Variants in KCNH1 observed in about 807,000 individuals in gnomAD.
KCNH1 encodes voltage-gated delayed rectifier potassium channel KCNH1.
A neutral mutation model predicts 69.2 loss-of-function variants in KCNH1; 27 were observed. The observed-to-expected ratio is 0.39, with a 90% CI of 0.29 to 0.54. KCNH1 has a LOEUF of 0.54. Among genes scored for constraint, KCNH1 ranks in the 20% least tolerant of loss-of-function variants. The pLI, the probability that KCNH1 is intolerant of heterozygous loss-of-function variation, is 0.68. For missense variants in KCNH1, 798 were observed against 1,261.6 expected (o/e 0.63, Z 5.57); for synonymous variants, 456 against 487.7 (o/e 0.93, Z 0.86).
intron 7 of KCNH1, among the ~76,000 whole-genome samples, chr1:210,855,499 T>C (rs1274782399): frequency 6.6e-6 from 1 of 152,204 alleles, no homozygotes; most frequent in Non-Finnish European, 1.5e-5. Flanking sequence ...TGCAGATGTC[T>C]GTTGATTTTT....
At chr1:211,121,164 A>T (rs1691675897) in intron 1 of KCNH1, among the ~76,000 whole-genome samples, 1 of 152,234 alleles carries the variant, frequency 6.6e-6, no homozygotes, top group South Asian at 2.1e-4. Context: ...TTATTCACAG[A>T]ATTAGAAAAC....
intron 7 of KCNH1, among the ~76,000 whole-genome samples, chr1:210,812,862 A>G (rs1009539785): frequency 3.3e-5 from 5 of 152,182 alleles, no homozygotes; most frequent in Non-Finnish European, 7.3e-5. Context: ...TGCACTCACA[A>G]CATTTCTCTT....
chr1:210,844,308 G>A (rs1209896251), intron 7 of KCNH1, among the ~76,000 whole-genome samples: 4 of 152,130 alleles, frequency 2.6e-5, no homozygotes, highest in African/African-American at 9.7e-5. Context: ...GGGTCACGAG[G>A]TCAAGAGATC....
chr1:210,701,807 A>C (rs1482174388), intron 10 of KCNH1, among the ~76,000 whole-genome samples: 1 of 151,852 alleles, frequency 6.6e-6, no homozygotes, highest in Non-Finnish European at 1.5e-5. Flanking sequence ...CCTTGCCCAA[A>C]TATCATCTGG....
intron 10 of KCNH1, among the ~76,000 whole-genome samples, chr1:210,751,112 A>G (rs1683274345): frequency 6.6e-6 from 1 of 152,154 alleles, no homozygotes; most frequent in Non-Finnish European, 1.5e-5. Flanking sequence ...GGTTCTATAG[A>G]GAGGAGAGTT....
chr1:211,097,518 C>T (rs1051718714), intron 3 of KCNH1, among the ~76,000 whole-genome samples: 2 of 152,144 alleles, frequency 1.3e-5, no homozygotes, highest in African/African-American at 4.8e-5. Flanking sequence ...GATTTACAAT[C>T]AATATTCATT....
At chr1:210,740,393 C>T (rs1163756730) in intron 10 of KCNH1, among the ~76,000 whole-genome samples, 1 of 152,158 alleles carries the variant, frequency 6.6e-6, no homozygotes, top group African/African-American at 2.4e-5. Flanking sequence ...TATATTTAGA[C>T]CCAAAGAAAA....
At position 210,907,057 on chromosome 1, in the gene KCNH1, T is replaced by C. The variant is rs1171266500; in HGVS notation, c.1462+12583A>G. 1.3e-5 allele frequency among the ~76,000 whole-genome samples: 2 copies of C among 152,382 alleles called. 1 individual carries two copies. The highest frequency in any genetic ancestry group is 3.9e-4 in the East Asian group (2 of 5,194). Reference sequence around the variant, plus strand: ...CAAGAAAGTGAAAAGGCACTTTCACTTTCTTGCAAATTATGTATCTGACAG... The same window carrying C: ...CAAGAAAGTGAAAAGGCACTTTCACCTTCTTGCAAATTATGTATCTGACAG... On this transcript the variant is annotated intron_variant, in intron 7 of 10. Transcript: ENST00000271751.
At chr1:210,687,994 C>T (rs1234523745) in intron 10 of KCNH1, among the ~76,000 whole-genome samples, 1 of 152,118 alleles carries the variant, frequency 6.6e-6, no homozygotes, top group Non-Finnish European at 1.5e-5. Context: ...CAAAGTATTC[C>T]ATGATGCTCT....
chr1:210,949,869 T>G (rs1688030511), intron 6 of KCNH1, among the ~76,000 whole-genome samples: 1 of 152,216 alleles, frequency 6.6e-6, no homozygotes, highest in Non-Finnish European at 1.5e-5. Flanking sequence ...TGAGATAACA[T>G]TATACGAAGA....
chr1:211,063,079 T>C (rs1052835639), intron 5 of KCNH1, among the ~76,000 whole-genome samples: 2 of 152,232 alleles, frequency 1.3e-5, no homozygotes, highest in Non-Finnish European at 2.9e-5. Context: ...GATGGATGAA[T>C]GGGTAAACAA....
At chr1:210,924,997 A>G (rs1687538754) in intron 6 of KCNH1, among the ~76,000 whole-genome samples, 2 of 152,212 alleles carry the variant, frequency 1.3e-5, no homozygotes, top group South Asian at 4.1e-4. Context: ...ACATACTTAC[A>G]GAAAAGAGTC....
chr1:210,935,897 A>G (rs994936970), intron 6 of KCNH1, among the ~76,000 whole-genome samples: 8 of 152,226 alleles, frequency 5.3e-5, no homozygotes, highest in Non-Finnish European at 7.3e-5. Context: ...AGCAATTAAT[A>G]GATTCATCTG....
chr1:210,839,972 A>G (rs1016024177), intron 7 of KCNH1, among the ~76,000 whole-genome samples: 2 of 152,214 alleles, frequency 1.3e-5, no homozygotes, highest in African/African-American at 4.8e-5. Context: ...AAGTTACCCA[A>G]TGCTGAGTGA....
chr1:211,057,209 G>A (rs1690327363), intron 5 of KCNH1, among the ~76,000 whole-genome samples: 1 of 152,176 alleles, frequency 6.6e-6, no homozygotes, highest in African/African-American at 2.4e-5. Flanking sequence ...TAGAATTTCT[G>A]GAGCTGAAAA....
intron 9 of KCNH1, among the ~76,000 whole-genome samples, chr1:210,791,238 G>A (rs1016112747): frequency 1.3e-5 from 2 of 152,072 alleles, no homozygotes; most frequent in African/African-American, 2.4e-5. Context: ...GCTTCCTCAC[G>A]TTCATCATCT....
At chr1:211,026,748 G>C (rs1364065339) in intron 5 of KCNH1, among the ~76,000 whole-genome samples, 1 of 152,154 alleles carries the variant, frequency 6.6e-6, no homozygotes, top group Non-Finnish European at 1.5e-5. Flanking sequence ...AAGCCTAGTG[G>C]AGAGTTGGGA....
intron 7 of KCNH1, among the ~76,000 whole-genome samples, chr1:210,908,483 A>G (rs1687160461): frequency 6.6e-6 from 1 of 152,150 alleles, no homozygotes; most frequent in African/African-American, 2.4e-5. Context: ...GAGAACCTGT[A>G]GCTTCTGCCT....
At chr1:210,882,140 A>G (rs1269237026) in intron 7 of KCNH1, among the ~76,000 whole-genome samples, 1 of 152,210 alleles carries the variant, frequency 6.6e-6, no homozygotes, top group Non-Finnish European at 1.5e-5. Flanking sequence ...TAAGAGATAC[A>G]TGAGAAATCT....
Sources: gnomAD v4.1 joint callset for allele counts (sites outside exome capture counted in the v4.1 genomes callset) on GRCh38, gnomAD v4.1.1 for gene constraint, MANE v1.5 for transcripts, NCBI Gene and HGNC (gene_info 2026-07-23, HGNC 2026-07-21) for gene names.